The following BRINP2 variants were observed in gnomAD, a reference collection of about 807,000 sequenced individuals.
The protein encoded by BRINP2 is BMP/retinoic acid inducible neural specific 2.
In BRINP2, 21 loss-of-function variants were observed where a neutral mutation model predicts 69.2. That is an observed-to-expected ratio of 0.30 (90% CI 0.22 to 0.44). BRINP2 has a LOEUF of 0.44. BRINP2 is among the 20% of genes least tolerant of loss of function. BRINP2 has a pLI of 1.00. For missense variants in BRINP2, 877 were observed against 986.0 expected, an observed-to-expected ratio of 0.89 and a Z score of 1.48; for synonymous variants, 380 against 394.1, an observed-to-expected ratio of 0.96 and a Z score of 0.42.
intron 2 of BRINP2, among the ~76,000 whole-genome samples, chr1:177,240,495 C>T (rs1396262944): frequency 1.3e-5 from 2 of 152,020 alleles, no homozygotes; most frequent in African/African-American, 4.8e-5. Context: ...ATTCAATGAA[C>T]CATCCCTAAA....
intron 1 of BRINP2, among the ~76,000 whole-genome samples, chr1:177,175,074 C>T (rs948897689): frequency 1.3e-5 from 2 of 152,200 alleles, no homozygotes; most frequent in African/African-American, 4.8e-5. Context: ...GATTTTCCTT[C>T]ATTTCTTATT....
rs544335064 is a variant in BRINP2 at position 177,224,139 on chromosome 1, G to T, written c.-76-5662G>T. 1.5e-4 allele frequency among the ~76,000 whole-genome samples: 23 copies of T among 152,194 alleles called. No homozygotes were observed. In the South Asian group the frequency reaches 4.8e-3, roughly 32 times the overall value. On this transcript the variant is annotated intron_variant, in intron 1 of 7. Coordinates refer to ENST00000361539, the MANE Select transcript of BRINP2 (RefSeq NM_021165.4). ...CCTCCCTTTCTTGTAAAAACAGGAG[G>T]TTTTGCATCAAGATATTGCGGATGA...
chr1:177,205,895 T>C (rs528174742), intron 1 of BRINP2, among the ~76,000 whole-genome samples: 1 of 152,322 alleles, frequency 6.6e-6, no homozygotes, highest in South Asian at 2.1e-4. Context: ...CACCCTTGCA[T>C]AGGCCCCTCC....
At position 177,281,476 on chromosome 1, in the gene BRINP2, A is replaced by G. The variant is rs1277688139; in HGVS notation, c.2300A>G (p.Asn767Ser). 12 of 1,612,876 alleles carry G rather than the reference A, an allele frequency of 7.4e-6. No individual in the cohort carries two copies. Among genetic ancestry groups the G allele is most frequent in the East Asian group, 2.2e-5 (1 of 44,852 alleles). ...GRIQSSLRAFNSKLPNPVEYE... is the reference protein window; with the variant it reads ...GRIQSSLRAFSSKLPNPVEYE... ...ATCCAGTCCTCCCTGAGGGCTTTCA[A>G]TTCTAAGCTGCCAAACCCTGTGGAA... The change falls in exon 8 of 8, where the codon AAT (asparagine) becomes AGT (serine). Residue 767 changes from asparagine (N) to serine (S), a missense_variant. Asn to Ser is a conservative substitution (Grantham distance 46). Transcript: ENST00000361539.
chr1:177,183,224 A>G (rs12090000), intron 1 of BRINP2, among the ~76,000 whole-genome samples: 10,820 of 142,878 alleles, frequency 0.076, 727 homozygotes, highest in East Asian at 0.21. Context: ...TGGATTTGGC[A>G]GTGACTTAAA....
chr1:177,204,224 GC>G (rs1456877746), intron 1 of BRINP2, among the ~76,000 whole-genome samples: 2 of 152,150 alleles, frequency 1.3e-5, no homozygotes, highest in East Asian at 3.9e-4. Context: ...TGAATTTGAG[GC>G]CGTTTTGAGA....
chr1:177,234,215 A>T (rs1171177781), intron 2 of BRINP2, among the ~76,000 whole-genome samples: 1 of 152,180 alleles, frequency 6.6e-6, no homozygotes, highest in Non-Finnish European at 1.5e-5. Context: ...CAGCAGCCTT[A>T]TGATGGGCTA....
chr1:177,245,550 G>T (rs1650348813), intron 2 of BRINP2, among the ~76,000 whole-genome samples: 1 of 152,194 alleles, frequency 6.6e-6, no homozygotes, highest in African/African-American at 2.4e-5. Context: ...TGGGCCACTT[G>T]CTGAGCAAAG....
chr1:177,267,020 G>C (rs1473573459), intron 4 of BRINP2, among the ~76,000 whole-genome samples: 1 of 152,144 alleles, frequency 6.6e-6, no homozygotes, highest in Non-Finnish European at 1.5e-5. Flanking sequence ...CCATACTGTG[G>C]GCAGTGGGTA....
chr1:177,264,740 C>T (rs897331145), intron 4 of BRINP2, among the ~76,000 whole-genome samples: 8 of 152,172 alleles, frequency 5.3e-5, no homozygotes. Flanking sequence ...AGGAATACAA[C>T]TTACAAGGGA....
chr1:177,188,786 A>G (rs913060419), intron 1 of BRINP2, among the ~76,000 whole-genome samples: 1 of 151,588 alleles, frequency 6.6e-6, no homozygotes, highest in Non-Finnish European at 1.5e-5. Flanking sequence ...CCTACTCAGT[A>G]TTATGCGTAG....
chr1:177,208,270 G>T (rs181113816), intron 1 of BRINP2, among the ~76,000 whole-genome samples: 1 of 152,292 alleles, frequency 6.6e-6, no homozygotes, highest in Admixed American at 6.5e-5. Context: ...GAAAGTTGCC[G>T]CAGGTTTTGC....
chr1:177,183,039 A>T (rs1217739414), intron 1 of BRINP2, among the ~76,000 whole-genome samples: 3 of 133,486 alleles, frequency 2.2e-5, no homozygotes, highest in Non-Finnish European at 3.2e-5. Context: ...TGCTGTATTT[A>T]TTTATTATTT....
rs767118886 is a variant in BRINP2, at chr1:177,281,551, G to A, written c.*23G>A. The A allele has an allele frequency of 1.7e-5, 27 of 1,562,084 alleles. No individual in the cohort carries two copies. Among genetic ancestry groups the A allele is most frequent in the Non-Finnish European group, 2.2e-5 (26 of 1,160,932 alleles). On this transcript the variant is annotated 3_prime_UTR_variant, in exon 8 of 8. Transcript: ENST00000361539. Reference sequence around the variant, plus strand: ...TAATGGGCGGCCCACTTCAGCACTGGGCAAGGAGGGGATCCATGAATCTGG... The same window carrying A: ...TAATGGGCGGCCCACTTCAGCACTGAGCAAGGAGGGGATCCATGAATCTGG...
At chr1:177,198,970 A>T (rs889251350) in intron 1 of BRINP2, among the ~76,000 whole-genome samples, 13 of 152,202 alleles carry the variant, frequency 8.5e-5, no homozygotes, top group Admixed American at 3.9e-4. Flanking sequence ...TCACAGATAC[A>T]TGAACACACA....
intron 4 of BRINP2, among the ~76,000 whole-genome samples, chr1:177,268,212 G>A (rs150486570): frequency 6.6e-6 from 1 of 152,304 alleles, no homozygotes; most frequent in East Asian, 1.9e-4. Context: ...TTGTCTGCCA[G>A]GGAACATTAC....
chr1:177,226,924 G>A (rs539274836), intron 1 of BRINP2, among the ~76,000 whole-genome samples: 8 of 152,226 alleles, frequency 5.3e-5, no homozygotes, highest in East Asian at 3.9e-4. Context: ...GAAGCTTGAC[G>A]CTTCACTGTC....
At chr1:177,237,176 G>T (rs531124892) in intron 2 of BRINP2, among the ~76,000 whole-genome samples, 66 of 152,182 alleles carry the variant, frequency 4.3e-4, no homozygotes, top group Admixed American at 2.7e-3. Flanking sequence ...TCAGGGTAAG[G>T]TTACCACACC....
At position 177,281,352 on chromosome 1, in the gene BRINP2, CG is replaced by C; in HGVS notation, c.2179del (p.Val727Ter). The C allele has an allele frequency of 6.2e-7, 1 of 1,614,130 alleles. No individual in the cohort carries two copies. Among genetic ancestry groups the C allele is most frequent in the Non-Finnish European group, 8.5e-7 (1 of 1,180,024 alleles). ...CTTGCAGCTCATTGAGCTCAGGGAC[CG>C]GGTGAACCAGCTTTCTCCACCTGGC... Reference protein sequence around the residue: ...ALLQLIELRDRVNQLSPPGKV... With the variant: ...ALLQLIELRDXVNQLSPPGKV... On this transcript the variant is annotated frameshift_variant, in exon 8 of 8. Transcript: ENST00000361539. LOFTEE classifies it high-confidence loss of function.
Sources: allele counts gnomAD v4.1 joint callset (sites outside exome capture counted in the v4.1 genomes callset), GRCh38; gene constraint gnomAD v4.1.1; transcripts MANE v1.5; gene names NCBI Gene and HGNC (gene_info 2026-07-23, HGNC 2026-07-21).